Variants in MYL2 observed in about 807,000 individuals in gnomAD.
MYL2 encodes the protein myosin light chain 2, also known as myosin regulatory light chain 2, ventricular/cardiac muscle isoform.
Under a neutral mutation model 23.0 loss-of-function variants are expected in MYL2, and 19 were observed. The observed-to-expected ratio is 0.83, with a 90% CI of 0.58 to 1.21. The LOEUF (loss-of-function observed/expected upper bound fraction) is 1.21, where lower values mean the gene tolerates loss of function less well. Ranked by LOEUF, MYL2 falls within the 50% of genes most tolerant of loss-of-function variation. MYL2 has a pLI of 0.00. For synonymous variants in MYL2, 78 were observed against 76.2 expected (o/e 1.02, Z -0.13); for missense variants, 180 against 215.1 (o/e 0.84, Z 1.02).
intron 4 of MYL2, 149 bp from the exon 5 acceptor site, chr12:110,913,473 C>A: frequency 1.3e-6 from 1 of 778,770 alleles, no homozygotes; most frequent in Non-Finnish European, 2.2e-6. Context: ...CGTCTGATCA[C>A]TGAGCCTCTG....
chr12:110,914,820 G>C (rs2071678554), intron 3 of MYL2, among the ~76,000 whole-genome samples: 1 of 152,076 alleles, frequency 6.6e-6, no homozygotes, highest in Non-Finnish European at 1.5e-5. Context: ...ATGCCGGCCA[G>C]TTCATTATAT....
In MYL2 at chr12:110,913,104, T is replaced by C; in HGVS notation, c.394A>G (p.Lys132Glu). 1 of 1,614,126 alleles carries C rather than the reference T, an allele frequency of 6.2e-7. No homozygotes were observed. The change falls in exon 6 of 7, where the codon AAG (lysine) becomes GAG (glutamate). Residue 132 changes from lysine to glutamate, a missense_variant. Physicochemically the swap from Lys to Glu is moderately conservative, Grantham distance 56. Transcript: ENST00000228841. ...MLTTQAERFS[K>E]EEVDQMFAAF... ...TTGAAGGACCCCATTACCTCCTCCTTGGAAAACCTCTCCGCCTGCGTGGTC... is the reference window on the plus strand; with the variant it reads ...TTGAAGGACCCCATTACCTCCTCCTCGGAAAACCTCTCCGCCTGCGTGGTC...
chr12:110,912,298 G>GAA (rs879354014), intron 6 of MYL2, among the ~76,000 whole-genome samples: 42 of 144,260 alleles, frequency 2.9e-4, no homozygotes, highest in African/African-American at 9.6e-4. Context: ...CACCTGAGTT[G>GAA]AAAAAAAAAA....
rs2233258 is a variant in MYL2 at position 110,920,430 on chromosome 12, G to A, written c.3+97C>T. 0.013 allele frequency: 20,635 copies of A among 1,577,862 alleles called. 238 individuals are homozygous for A. The highest frequency in any genetic ancestry group is 0.053 in the African/African-American group (3,903 of 74,294). On this transcript the variant is annotated intron_variant, in intron 1 of 6. Transcript: ENST00000228841. ...TCCACAAGGGGCTGGAGGCTTTGAG[G>A]GCCGCCTTCCTCCCCCTCCGCCGTG...
intron 4 of MYL2, among the ~76,000 whole-genome samples, chr12:110,913,973 T>C (rs2071671743): frequency 6.6e-6 from 1 of 152,156 alleles, no homozygotes; most frequent in Admixed American, 6.6e-5. Flanking sequence ...GCCAGGTTGG[T>C]CTTGAACTCC....
At chr12:110,915,067 T>C (rs897639699) in intron 3 of MYL2, among the ~76,000 whole-genome samples, 3 of 152,208 alleles carry the variant, frequency 2.0e-5, no homozygotes, top group Non-Finnish European at 4.4e-5. Context: ...AAGAAAAATC[T>C]GTCATTTTTT....
chr12:110,911,203 G>A, intron 6 of MYL2, 28 bp from the exon 7 acceptor site: 1 of 1,451,728 alleles, frequency 6.9e-7, no homozygotes, highest in Non-Finnish European at 9.4e-7. Context: ...CACGTGCTAA[G>A]GACGAGGGGA....
At chr12:110,915,329 A>T (rs532189534) in intron 3 of MYL2, among the ~76,000 whole-genome samples, 1 of 152,324 alleles carries the variant, frequency 6.6e-6, no homozygotes, top group South Asian at 2.1e-4. Context: ...CCAATAATTT[A>T]AAAAACTAAA....
chr12:110,916,390 G>A (rs1215186027), intron 2 of MYL2, among the ~76,000 whole-genome samples: 3 of 152,050 alleles, frequency 2.0e-5, no homozygotes, highest in East Asian at 1.9e-4. Flanking sequence ...TAGCAGCATC[G>A]TTCACAGTAG....
rs1271156745 is a variant in MYL2 at position 110,918,513 on chromosome 12, TTTG to T, written c.93+588_93+590del. On this transcript the variant is annotated intron_variant, in intron 2 of 6. Coordinates refer to ENST00000228841, the MANE Select transcript of MYL2 (RefSeq NM_000432.4). The surrounding 1 kb of genome is among the most constrained non-coding windows in gnomAD (Gnocchi z 4.4). ...AGCAGTTCTGCCTGTTTTTAGTTCT[TTTG>T]TTGTTGTTGTTTTAAGTTCCTTTGA... Among the ~76,000 whole-genome samples the T allele has an allele frequency of 2.6e-5, 4 of 152,164 alleles. No homozygotes were observed. Among genetic ancestry groups the T allele is most frequent in the African/African-American group, 4.8e-5 (2 of 41,432 alleles).
chr12:110,915,007 G>A (rs1592800695), intron 3 of MYL2, among the ~76,000 whole-genome samples: 1 of 152,194 alleles, frequency 6.6e-6, no homozygotes, highest in South Asian at 2.1e-4. Flanking sequence ...AGCCGTGGAG[G>A]TTCTGATTTA....
chr12:110,917,315 C>T (rs944873972), intron 2 of MYL2, among the ~76,000 whole-genome samples: 1 of 152,052 alleles, frequency 6.6e-6, no homozygotes, highest in African/African-American at 2.4e-5. Context: ...TAGCTTTAGG[C>T]CAGGTGCAGT....
In MYL2 at chr12:110,919,159, G is replaced by C; in HGVS notation, c.38C>G (p.Ala13Gly). The C allele has an allele frequency of 1.2e-6, 2 of 1,613,784 alleles. No homozygotes were observed. The highest frequency in any genetic ancestry group is 1.7e-6 in the Non-Finnish European group (2 of 1,180,010). ...PKKAKKRAGG[A>G]NSNVFSMFEQ... ...GAACATGGAGAACACGTTGGAGTTG[G>C]CGCCCCCGGCTCTCTTCTTTGCTTT... Residue 13 changes from alanine to glycine, a missense_variant, in exon 2 of 7, where the codon GCC becomes GGC. Transcript: ENST00000228841.
upstream of MYL2, among the ~76,000 whole-genome samples, chr12:110,921,139 G>C (rs1189305262): frequency 2.0e-5 from 3 of 152,190 alleles, no homozygotes; most frequent in Non-Finnish European, 4.4e-5. Context: ...CGGGAAGATT[G>C]CTTGAGCCTA....
At chr12:110,916,647 G>A (rs1326313754) in intron 2 of MYL2, among the ~76,000 whole-genome samples, 17 of 152,182 alleles carry the variant, frequency 1.1e-4, no homozygotes, top group Admixed American at 9.8e-4. Flanking sequence ...ATTAGCAGTT[G>A]CCAGGGGCTG....
intron 6 of MYL2, among the ~76,000 whole-genome samples, 183 bp downstream of exon 6, chr12:110,912,913 C>A (rs2071662923): frequency 6.6e-6 from 1 of 152,176 alleles, no homozygotes; most frequent in Non-Finnish European, 1.5e-5. Flanking sequence ...TGTAAAATGG[C>A]AGTTATGCCA....
Position 110,911,135 on chromosome 12 carries a change from C to T in MYL2, c.443G>A (p.Gly148Asp), listed in dbSNP as rs2071648972. The T allele has an allele frequency of 1.2e-6, 2 of 1,613,726 alleles. No homozygotes were observed. Among genetic ancestry groups the T allele is most frequent in the African/African-American group, 1.3e-5 (1 of 74,826 alleles). ...MFAAFPPDVT[G>D]NLDYKNLVHI... Reference sequence around the variant, plus strand: ...CACCAGGTTCTTGTAGTCCAAGTTGCCAGTCACGTCAGGGGGGAAGGCGGC... The same window carrying T: ...CACCAGGTTCTTGTAGTCCAAGTTGTCAGTCACGTCAGGGGGGAAGGCGGC... The change falls in exon 7 of 7, where the codon GGC becomes GAC. Residue 148 changes from glycine to aspartate, a missense_variant. Transcript: ENST00000228841.
At chr12:110,917,551 T>C (rs1309861987) in intron 2 of MYL2, among the ~76,000 whole-genome samples, 1 of 152,182 alleles carries the variant, frequency 6.6e-6, no homozygotes, top group African/African-American at 2.4e-5. Flanking sequence ...GCTACATGTT[T>C]TGAGTTCTTT....
In MYL2 at chr12:110,914,288, G is replaced by T. The variant is rs756671869; in HGVS notation, c.172C>A (p.Arg58=). 12 of 1,612,346 alleles carry T rather than the reference G, an allele frequency of 7.4e-6. No individual in the cohort carries two copies. The highest frequency in any genetic ancestry group is 1.7e-5 in the Admixed American group (1 of 59,954). ...ATTTCTTCATTTTTCACGTTCACTC[G>T]CCCTAGGGTAGGAAACACACACTCA... ...DLRDTFAALG[R]VNVKNEEIDE... The change falls in exon 4 of 7, where the codon CGA becomes AGA. Residue 58 remains arginine, a splice_region_variant and synonymous_variant. Transcript: ENST00000228841.
Sources: gnomAD v4.1 joint callset for allele counts (sites outside exome capture counted in the v4.1 genomes callset) on GRCh38, gnomAD v4.1.1 for gene constraint, Gnocchi (gnomAD v3.1) non-coding constraint, MANE v1.5 for transcripts, NCBI Gene and HGNC (gene_info 2026-07-23, HGNC 2026-07-21) for gene names.